Variants in CNTRL observed in about 807,000 individuals in gnomAD.
CNTRL encodes centriolin, also known as 110 kDa centrosomal protein.
In CNTRL, 233 loss-of-function variants were observed where a neutral mutation model predicts 303.7. The ratio of observed to expected loss-of-function variants is 0.77; its 90% CI spans 0.69 to 0.86. The LOEUF (loss-of-function observed/expected upper bound fraction) is 0.86, where lower values mean the gene tolerates loss of function less well. Among genes scored for constraint, CNTRL ranks in the 40% least tolerant of loss-of-function variants. The pLI is 0.00. For synonymous variants in CNTRL, 900 were observed against 922.2 expected (o/e 0.98, Z 0.44); for missense variants, 2,524 against 2,650.6 (o/e 0.95, Z 1.05).
intron 12 of CNTRL, chr9:121,122,446 T>A: frequency 1.0e-6 from 1 of 953,524 alleles, no homozygotes; most frequent in African/African-American, 1.8e-5. Context: ...TACATAAAAT[T>A]GAGTAATATT....
intron 8 of CNTRL, among the ~76,000 whole-genome samples, chr9:121,110,114 G>A (rs1024989477): frequency 6.6e-6 from 1 of 152,140 alleles, no homozygotes; most frequent in Non-Finnish European, 1.5e-5. Flanking sequence ...TAAAAGAAAA[G>A]TAGCACTGAA....
chr9:121,088,558 TC>T lies in CNTRL; in HGVS notation c.217+16del, dbSNP rs1352672818. 6.4e-7 allele frequency: 1 copy of T among 1,556,262 alleles called. No homozygotes were observed. The highest frequency in any genetic ancestry group is 8.8e-7 in the Non-Finnish European group (1 of 1,130,510). ...AGACCATAAAGGTATCACTTTTTAA[TC>T]TAAGAATTGGTCTGACCACATACTT... On this transcript the variant is annotated intron_variant, in intron 3 of 43. Coordinates refer to ENST00000373855, the MANE Select transcript of CNTRL (RefSeq NM_007018.6).
At chr9:121,085,294 G>A (rs558184630) in intron 2 of CNTRL, among the ~76,000 whole-genome samples, 1 of 152,286 alleles carries the variant, frequency 6.6e-6, no homozygotes, top group South Asian at 2.1e-4. Flanking sequence ...TGGGATTCTG[G>A]AAATATTCTG....
intron 14 of CNTRL, among the ~76,000 whole-genome samples, chr9:121,133,088 C>T (rs538326182): frequency 6.7e-4 from 102 of 152,344 alleles, no homozygotes; most frequent in South Asian, 1.7e-3. Context: ...TTAGGCTACA[C>T]GGGGGTCAGG....
In CNTRL at chr9:121,173,294, A is replaced by G. The variant is rs773316478; in HGVS notation, c.6469A>G (p.Met2157Val). The G allele has an allele frequency of 1.5e-5, 25 of 1,614,052 alleles. No homozygotes were observed. The highest frequency in any genetic ancestry group is 1.1e-4 in the South Asian group (10 of 91,052). The change falls in exon 41 of 44, where the codon ATG becomes GTG. Residue 2157 changes from methionine (M) to valine (V), a missense_variant. Transcript: ENST00000373855. ...ERRQMEISDAMRTLKSEVKDE... is the reference protein window; with the variant it reads ...ERRQMEISDAVRTLKSEVKDE... ...AAGACAAATGGAAATCAGTGATGCA[A>G]TGAGGACACTTAAATCTGAGGTGAA...
In CNTRL at chr9:121,113,588, T is replaced by G; in HGVS notation, c.1209T>G (p.Tyr403Ter). The G allele has an allele frequency of 5.6e-6, 9 of 1,610,070 alleles. No homozygotes were observed. The highest frequency in any genetic ancestry group is 7.6e-6 in the Non-Finnish European group (9 of 1,178,806). ...YKRNMFATES[Y>*]IIDSAQAVQI... ...GAAATATGTTTGCCACAGAGAGTTA[T>G]ATTATTGACAGTGCTCAGGCAGTAC... is the stretch of plus-strand genomic sequence containing the variant. The change falls in exon 10 of 44, where the codon TAT becomes TAG. Residue 403 changes from tyrosine (Y) to a stop codon, truncating the protein, a stop_gained. Coordinates refer to ENST00000373855, the MANE Select transcript of CNTRL (RefSeq NM_007018.6). LOFTEE classifies it high-confidence loss of function.
chr9:121,093,710 T>C (rs2048761604), intron 4 of CNTRL, among the ~76,000 whole-genome samples: 1 of 152,214 alleles, frequency 6.6e-6, no homozygotes, highest in Admixed American at 6.5e-5. Flanking sequence ...GGAAGAATTA[T>C]CTAGTTCACG....
chr9:121,086,343 A>G lies in CNTRL; in HGVS notation c.-31-1953A>G, dbSNP rs549959547. 3.9e-5 allele frequency among the ~76,000 whole-genome samples: 6 copies of G among 152,366 alleles called. No individual in the cohort carries two copies. In the East Asian group the frequency reaches 1.2e-3, roughly 29 times the overall value. ...TTCAAACTGATTATGTGAGGAAAAA[A>G]TACAAATTCATTGAGAGTATAGAAC... is the stretch of plus-strand genomic sequence containing the variant. On this transcript the variant is annotated intron_variant, in intron 2 of 43. Transcript: ENST00000373855.
At chr9:121,155,445 A>G (rs1455549741) in intron 27 of CNTRL, among the ~76,000 whole-genome samples, 2 of 151,968 alleles carry the variant, frequency 1.3e-5, no homozygotes, top group Admixed American at 1.3e-4. Context: ...GGAGTGGCGC[A>G]ATCTTGGCTC....
intron 2 of CNTRL, among the ~76,000 whole-genome samples, chr9:121,086,727 G>T (rs1564188665): frequency 6.8e-6 from 1 of 146,440 alleles, no homozygotes; most frequent in Non-Finnish European, 1.5e-5. Context: ...TGCAGCTTCT[G>T]CCTCCTGGGT....
chr9:121,095,688 A>G (rs2048861105), intron 5 of CNTRL, among the ~76,000 whole-genome samples: 1 of 152,216 alleles, frequency 6.6e-6, no homozygotes, highest in Non-Finnish European at 1.5e-5. Context: ...AAAAATGATT[A>G]ATGAACCAAA....
At chr9:121,123,406 TC>T (rs1349498544) in intron 12 of CNTRL, among the ~76,000 whole-genome samples, 7 of 151,872 alleles carry the variant, frequency 4.6e-5, no homozygotes, top group Non-Finnish European at 8.8e-5. Context: ...ATGGTGAAAC[TC>T]CCGTCTGTAC....
intron 2 of CNTRL, among the ~76,000 whole-genome samples, chr9:121,085,182 C>G (rs1206131892): frequency 6.6e-6 from 1 of 152,158 alleles, no homozygotes; most frequent in Non-Finnish European, 1.5e-5. Context: ...TTTCATTTCT[C>G]TAAAGTTCAA....
intron 2 of CNTRL, among the ~76,000 whole-genome samples, chr9:121,087,508 TG>T: frequency 6.6e-6 from 1 of 152,046 alleles, no homozygotes; most frequent in Admixed American, 6.5e-5. Context: ...CTGGCCAACA[TG>T]GCGAAACCCC....
Position 121,125,761 on chromosome 9 carries a change from T to A in CNTRL, c.1850T>A (p.Val617Asp). Residue 617 changes from valine to aspartate, a missense_variant, in exon 14 of 44, where the codon GTT becomes GAT. Transcript: ENST00000373855. Reference sequence around the variant, plus strand: ...GCCCTGAAGAAGGATTTAGAAGGTGTTATCAGTGGGTTGCAAGAATACCTG... The same window carrying A: ...GCCCTGAAGAAGGATTTAGAAGGTGATATCAGTGGGTTGCAAGAATACCTG... ...NEALKKDLEG[V>D]ISGLQEYLGT... The A allele has an allele frequency of 6.2e-7, 1 of 1,614,158 alleles. No homozygotes were observed. Among genetic ancestry groups the A allele is most frequent in the Admixed American group, 1.7e-5 (1 of 60,020 alleles).
In CNTRL at chr9:121,171,492, C is replaced by G. The variant is rs531981372; in HGVS notation, c.6361C>G (p.Arg2121Gly). ...CCAGGACAACCATGAGCGGGCCAGG[C>G]GCCTGATGAAGGAGCTCAACCAGAT... ...VAQDNHERAR[R>G]LMKELNQMQY... is the part of the protein sequence containing the mutation. The change falls in exon 40 of 44, where the codon CGC (arginine) becomes GGC (glycine). Residue 2121 changes from arginine (R) to glycine (G), a missense_variant. Arg to Gly is a moderately radical substitution (Grantham distance 125). Coordinates refer to ENST00000373855, the MANE Select transcript of CNTRL (RefSeq NM_007018.6). 1.9e-6 allele frequency: 3 copies of G among 1,613,912 alleles called. No homozygotes were observed. The Admixed American group carries it at 5.0e-5, about 27-fold the overall frequency.
chr9:121,150,926 C>T (rs1403019503), intron 25 of CNTRL, among the ~76,000 whole-genome samples: 1 of 152,134 alleles, frequency 6.6e-6, no homozygotes, highest in African/African-American at 2.4e-5. Context: ...TGTATATATT[C>T]ACTTACTAGT....
At position 121,118,516 on chromosome 9, in the gene CNTRL, C is replaced by A; in HGVS notation, c.1626C>A (p.Ser542Arg). The change falls in exon 12 of 44, where the codon AGC becomes AGA. Residue 542 changes from serine to arginine, a missense_variant. Coordinates refer to ENST00000373855, the MANE Select transcript of CNTRL (RefSeq NM_007018.6). Reference protein sequence around the residue: ...EIKDLQIAIDSLDSKDPKHSH... With the variant: ...EIKDLQIAIDRLDSKDPKHSH... ...AGGACCTGCAAATAGCCATAGATAGCCTGGATTCCAAAGACCCAAAACATG... is the reference window on the plus strand; with the variant it reads ...AGGACCTGCAAATAGCCATAGATAGACTGGATTCCAAAGACCCAAAACATG... 6.3e-7 allele frequency: 1 copy of A among 1,598,542 alleles called. No homozygotes were observed. The highest frequency in any genetic ancestry group is 2.2e-5 in the East Asian group (1 of 44,718).
At chr9:121,148,582 A>T in intron 23 of CNTRL, 90 bp from the exon 24 acceptor site, 1 of 1,203,962 alleles carries the variant, frequency 8.3e-7, no homozygotes, top group Middle Eastern at 2.2e-4. Flanking sequence ...CAACCTTGCT[A>T]CATCTCAACT....
Sources: gnomAD v4.1 joint callset for allele counts (sites outside exome capture counted in the v4.1 genomes callset) on GRCh38, gnomAD v4.1.1 for gene constraint, MANE v1.5 for transcripts, NCBI Gene and HGNC (gene_info 2026-07-23, HGNC 2026-07-21) for gene names.